The following SUMF1 variants were observed in gnomAD, a reference collection of about 807,000 sequenced individuals.
SUMF1 encodes formylglycine-generating enzyme.
A neutral mutation model predicts 47.6 loss-of-function variants in SUMF1; 48 were observed. The observed-to-expected ratio is 1.01, with a 90% CI of 0.80 to 1.28. The LOEUF is 1.28. SUMF1 is among the 50% of genes most tolerant of loss of function. The pLI, the probability that SUMF1 is intolerant of heterozygous loss-of-function variation, is 0.00. For missense variants in SUMF1, 571 were observed against 485.4 expected (o/e 1.18, Z -1.66); for synonymous variants, 230 against 192.1 (o/e 1.20, Z -1.63).
At chr3:4,094,218 T>G (rs1692850537) in intron 8 of SUMF1, among the ~76,000 whole-genome samples, 1 of 152,082 alleles carries the variant, frequency 6.6e-6, no homozygotes, top group Non-Finnish European at 1.5e-5. Context: ...CCTATCGGAC[T>G]TTTGGTGTTG....
rs1703005982 is a variant in SUMF1, at chr3:4,452,427, A to G, written c.444+449T>C. ...GAAAAGCTGCACTTCTGCATTTATCACTTAAAAAATATGAAATGCTTCTGG... is the reference window on the plus strand; with the variant it reads ...GAAAAGCTGCACTTCTGCATTTATCGCTTAAAAAATATGAAATGCTTCTGG... On this transcript the variant is annotated intron_variant, in intron 2 of 8. Transcript: ENST00000272902. 2.0e-5 allele frequency among the ~76,000 whole-genome samples: 3 copies of G among 152,234 alleles called. 1 individual carries two copies. The highest frequency in any genetic ancestry group is 2.0e-4 in the Admixed American group (3 of 15,278).
intron 3 of SUMF1, among the ~76,000 whole-genome samples, chr3:4,425,904 G>A (rs924268908): frequency 2.0e-5 from 3 of 152,228 alleles, no homozygotes; most frequent in Non-Finnish European, 2.9e-5. Flanking sequence ...GGGCAAGAGA[G>A]CATGTGCAGG....
At chr3:4,299,350 G>T (rs1164538265) in intron 8 of SUMF1, among the ~76,000 whole-genome samples, 2 of 152,328 alleles carry the variant, frequency 1.3e-5, no homozygotes, top group South Asian at 4.1e-4. Flanking sequence ...CTCTCTGCTG[G>T]TAGGCTTTGG....
At position 4,051,868 on chromosome 3, in the gene SUMF1, G is replaced by A. The variant is rs565942696; in HGVS notation, c.1191+16701C>T. Among the ~76,000 whole-genome samples the A allele has an allele frequency of 3.3e-5, 5 of 152,252 alleles. No individual in the cohort carries two copies. In the South Asian group the frequency reaches 1.0e-3, roughly 32 times the overall value. On this transcript the variant is annotated intron_variant and NMD_transcript_variant, in intron 9 of 12. Coordinates refer to the SUMF1 transcript ENST00000448413. The stretch of plus-strand genomic sequence containing the variant: ...CTTCTTTTCTACCCCTGCAGCCTAA[G>A]TGGTAAACCGGTCTGAGTAAGGTCA...
At chr3:4,194,784 G>T (rs1240647909) in intron 8 of SUMF1, among the ~76,000 whole-genome samples, 1 of 152,066 alleles carries the variant, frequency 6.6e-6, no homozygotes, top group East Asian at 1.9e-4. Context: ...AACTATGTAA[G>T]CACCCATTAA....
At chr3:4,036,330 A>T (rs868414378) in intron 9 of SUMF1, among the ~76,000 whole-genome samples, 10 of 152,130 alleles carry the variant, frequency 6.6e-5, no homozygotes, top group African/African-American at 2.4e-4. Context: ...ATAAACTGTT[A>T]TCTTATTTTG....
intron 6 of SUMF1, among the ~76,000 whole-genome samples, chr3:4,414,135 G>A (rs960076559): frequency 6.6e-6 from 1 of 151,970 alleles, no homozygotes; most frequent in Non-Finnish European, 1.5e-5. Flanking sequence ...AAAGTGCTGG[G>A]ATTACAGGCA....
chr3:4,400,665 A>G (rs1437840603), intron 7 of SUMF1, among the ~76,000 whole-genome samples: 1 of 152,158 alleles, frequency 6.6e-6, no homozygotes, highest in East Asian at 1.9e-4. Flanking sequence ...GGGCACAGTG[A>G]GTTAACCTCT....
chr3:4,117,763 T>C (rs1310588478), intron 8 of SUMF1, among the ~76,000 whole-genome samples: 1 of 137,762 alleles, frequency 7.3e-6, no homozygotes, highest in Non-Finnish European at 1.5e-5. Context: ...TCTCCCCTGA[T>C]TTCTCATGCT....
intron 8 of SUMF1, among the ~76,000 whole-genome samples, chr3:4,080,690 A>G (rs1006325240): frequency 6.6e-6 from 1 of 152,174 alleles, no homozygotes; most frequent in Admixed American, 6.5e-5. Context: ...TATAGCAGGA[A>G]CCAATAAAAG....
chr3:4,250,947 T>C (rs1696788141), intron 8 of SUMF1, among the ~76,000 whole-genome samples: 1 of 152,206 alleles, frequency 6.6e-6, no homozygotes, highest in Admixed American at 6.5e-5. Flanking sequence ...CTCCTAACGA[T>C]ATTCATTCTG....
intron 8 of SUMF1, among the ~76,000 whole-genome samples, chr3:4,226,264 C>CTTTTTTTTTTTTTT (rs869300368): frequency 8.0e-5 from 7 of 86,986 alleles, no homozygotes; most frequent in African/African-American, 1.4e-4. Context: ...TTTTTTGTTT[C>CTTTTTTTTTTTTTT]TTTTTTTTTT....
At chr3:4,120,012 C>T (rs779385401) in intron 8 of SUMF1, among the ~76,000 whole-genome samples, 32 of 152,290 alleles carry the variant, frequency 2.1e-4, no homozygotes, top group Middle Eastern at 3.4e-3. Context: ...GCAGACCCTC[C>T]TGATTCTTAA....
At chr3:4,182,069 T>C (rs1695109071) in intron 8 of SUMF1, among the ~76,000 whole-genome samples, 1 of 152,186 alleles carries the variant, frequency 6.6e-6, no homozygotes. Flanking sequence ...TCTATTTACA[T>C]TCTTGCCCTG....
chr3:4,359,785 G>A (rs991025825), downstream of SUMF1, among the ~76,000 whole-genome samples: 1 of 152,092 alleles, frequency 6.6e-6, no homozygotes, highest in Admixed American at 6.5e-5. Context: ...AACACCTGGG[G>A]ATTATGGGAA....
chr3:4,265,136 CAAAAAAAAAAAA>C (rs71043507), intron 8 of SUMF1, among the ~76,000 whole-genome samples: 1 of 73,412 alleles, frequency 1.4e-5, no homozygotes, highest in Non-Finnish European at 2.6e-5. Flanking sequence ...GACTCCATCT[CAAAAAAAAAAAA>C]AAAAAAAAAA....
At chr3:4,165,529 G>A (rs1448072065) in intron 8 of SUMF1, among the ~76,000 whole-genome samples, 1 of 152,100 alleles carries the variant, frequency 6.6e-6, no homozygotes, top group East Asian at 1.9e-4. Flanking sequence ...GTGGGATGTA[G>A]ATTGCAAACT....
chr3:4,226,164 C>T (rs915335235), intron 8 of SUMF1, among the ~76,000 whole-genome samples: 4 of 151,624 alleles, frequency 2.6e-5, no homozygotes, highest in Admixed American at 2.6e-4. Flanking sequence ...GCTGAATAAG[C>T]TAGCACTTGG....
chr3:4,262,559 C>T lies in SUMF1; in HGVS notation c.1014+113771G>A, dbSNP rs190799037. ...GTGATCCCTCTCTGGCTCCTGGCTC[C>T]GCTTTCCCCCATGTGGCTCCATTCT... On this transcript the variant is annotated intron_variant and NMD_transcript_variant, in intron 8 of 12. Transcript: ENST00000448413. Among the ~76,000 whole-genome samples the T allele has an allele frequency of 7.9e-5, 12 of 152,310 alleles. No homozygotes were observed. The East Asian group carries it at 1.7e-3, about 22-fold the overall frequency.
Sources: allele counts gnomAD v4.1 joint callset (sites outside exome capture counted in the v4.1 genomes callset), GRCh38; gene constraint gnomAD v4.1.1; transcripts MANE v1.5; gene names NCBI Gene and HGNC (gene_info 2026-07-23, HGNC 2026-07-21).